CUX1: variants seen among roughly 807,000 people sequenced by gnomAD.
The protein encoded by CUX1 is cut like homeobox 1.
In CUX1, 31 loss-of-function variants were observed where a neutral mutation model predicts 158.8. The observed-to-expected ratio is 0.20, with a 90% confidence interval of 0.15 to 0.26. CUX1 has a LOEUF of 0.26. Among genes scored for constraint, CUX1 ranks in the 10% least tolerant of loss-of-function variants. The pLI is 1.00. For missense variants in CUX1, 1,589 were observed against 2,014.6 expected, an observed-to-expected ratio of 0.79 and a Z score of 4.04; for synonymous variants, 879 against 862.1, an observed-to-expected ratio of 1.02 and a Z score of -0.34.
At chr7:102,205,305 A>G (rs942408997) in intron 20 of CUX1, 135 bp downstream of exon 20, 19 of 674,896 alleles carry the variant, frequency 2.8e-5, no homozygotes, top group South Asian at 2.0e-4. Flanking sequence ...ATGGCATCCT[A>G]TCTGCAAACG....
intron 2 of CUX1, among the ~76,000 whole-genome samples, chr7:101,984,849 G>T (rs140445846): frequency 1.3e-5 from 2 of 152,124 alleles, no homozygotes; most frequent in Non-Finnish European, 1.5e-5. Context: ...TATTAAGATC[G>T]CATTAATCTT....
At chr7:101,938,818 A>G (rs1019023551) in intron 2 of CUX1, among the ~76,000 whole-genome samples, 5 of 152,048 alleles carry the variant, frequency 3.3e-5, no homozygotes, top group Non-Finnish European at 7.4e-5. Context: ...AGGCGGGCAG[A>G]TCACTTGAGG....
intron 11 of CUX1, among the ~76,000 whole-genome samples, chr7:102,185,743 C>G (rs1793556562): frequency 6.6e-6 from 1 of 152,028 alleles, no homozygotes; most frequent in Non-Finnish European, 1.5e-5. Flanking sequence ...CGTGGTGGAG[C>G]CAGGATCTGT....
intron 10 of CUX1, 109 bp from the exon 11 acceptor site, chr7:102,178,360 A>G: frequency 9.2e-7 from 1 of 1,081,686 alleles, no homozygotes; most frequent in Non-Finnish European, 1.3e-6. Flanking sequence ...TGCCATCACC[A>G]TCCACACACT....
At chr7:102,041,735 T>C (rs1320205899) in intron 3 of CUX1, among the ~76,000 whole-genome samples, 3 of 144,178 alleles carry the variant, frequency 2.1e-5, no homozygotes, top group Non-Finnish European at 4.6e-5. Flanking sequence ...GTGGATGATC[T>C]CGGCTCACTG....
intron 11 of CUX1, chr7:102,186,861 C>T (rs1793679515): frequency 6.6e-6 from 1 of 152,094 alleles, no homozygotes; most frequent in South Asian, 2.1e-4. Context: ...TGTGAAACTT[C>T]ATCTCTACTA....
chr7:102,192,746 C>T (rs1563381215), intron 12 of CUX1, among the ~76,000 whole-genome samples: 2 of 152,182 alleles, frequency 1.3e-5, no homozygotes, highest in Admixed American at 6.5e-5. Context: ...ACCTGCGAGT[C>T]GTAAATCTCA....
intron 1 of CUX1, among the ~76,000 whole-genome samples, chr7:101,904,117 A>AACACACACACACACAC (rs10622369): frequency 1.4e-3 from 200 of 143,860 alleles, no homozygotes; most frequent in African/African-American, 4.9e-3. Flanking sequence ...GTCTTTACAA[A>AACACACACACACACAC]ACACACACAC....
At chr7:102,266,058 G>T (rs1554544979) in intron 14 of CUX1, among the ~76,000 whole-genome samples, 2 of 151,998 alleles carry the variant, frequency 1.3e-5, no homozygotes, top group African/African-American at 4.8e-5. Flanking sequence ...ACAAAAATTA[G>T]CCAGGCGTGG....
Position 102,253,201 on chromosome 7 carries a change from C to T in CUX1, c.*4159C>T. The T allele has an allele frequency of 1.0e-6, 1 of 985,500 alleles. No homozygotes were observed. The highest frequency in any genetic ancestry group is 6.1e-5 in the Admixed American group (1 of 16,284). 61.0% of individuals were successfully genotyped at this position (985,500 alleles called of 1,614,324 possible). On this transcript the variant is annotated 3_prime_UTR_variant, in exon 24 of 24. Transcript: ENST00000292535. ...CAGGTCTGCTGGTTGGCGGTCCGGG[C>T]CCAGAGTGCAGCAGAGCTCTGGGTT...
At chr7:102,066,965 A>T (rs1304157625) in intron 3 of CUX1, among the ~76,000 whole-genome samples, 1 of 152,236 alleles carries the variant, frequency 6.6e-6, no homozygotes, top group Non-Finnish European at 1.5e-5. Context: ...CACGCGTTTT[A>T]AGCAGCTTGA....
intron 14 of CUX1, among the ~76,000 whole-genome samples, chr7:102,196,192 G>A (rs1306022708): frequency 6.6e-6 from 1 of 152,232 alleles, no homozygotes; most frequent in Non-Finnish European, 1.5e-5. Flanking sequence ...CCTCCACATC[G>A]AGGGGGCTCG....
rs558538031 is a variant in CUX1, at chr7:102,277,291, T to C, written c.1564-658T>C. ...TAGCCTGGGTGATAGAGCAAGACCCTGTCTCTAAAATATATAGACAGGGGC... is the reference window on the plus strand; with the variant it reads ...TAGCCTGGGTGATAGAGCAAGACCCCGTCTCTAAAATATATAGACAGGGGC... On this transcript the variant is annotated intron_variant, in intron 17 of 22. Coordinates refer to the CUX1 transcript ENST00000292538. Among the ~76,000 whole-genome samples the C allele has an allele frequency of 1.1e-4, 16 of 152,082 alleles. No homozygotes were observed. The South Asian group carries it at 3.3e-3, about 32-fold the overall frequency.
At chr7:102,111,852 G>A (rs797042932) in intron 7 of CUX1, 78 bp downstream of exon 7, 10 of 1,298,670 alleles carry the variant, frequency 7.7e-6, no homozygotes, top group African/African-American at 4.4e-5. Flanking sequence ...TGACCGCCCC[G>A]GTCCCCGCGG....
chr7:101,929,245 C>CT (rs1238581729), intron 2 of CUX1, among the ~76,000 whole-genome samples: 1 of 152,126 alleles, frequency 6.6e-6, no homozygotes, highest in Non-Finnish European at 1.5e-5. Context: ...AGGGTAGACC[C>CT]TAGTTTCTAC....
At position 102,254,595 on chromosome 7, in the gene CUX1, A is replaced by G; in HGVS notation, c.*5553A>G. 2.0e-6 allele frequency: 2 copies of G among 985,418 alleles called. No individual in the cohort carries two copies. The highest frequency in any genetic ancestry group is 1.2e-6 in the Non-Finnish European group (1 of 829,914). The allele number at this position is 985,418 out of a possible 1,614,324, so 61.0% of individuals were successfully genotyped here. On this transcript the variant is annotated 3_prime_UTR_variant, in exon 24 of 24. Transcript: ENST00000292535. ...GTTCCCCTGCTGGAGACAGTTTGCA[A>G]GTAAGAACCTAAGGATGGGGACAGC...
intron 1 of CUX1, among the ~76,000 whole-genome samples, chr7:101,873,850 G>T (rs1052519173): frequency 3.9e-5 from 6 of 152,210 alleles, no homozygotes; most frequent in Middle Eastern, 3.2e-3. Context: ...CTCCCAAAGT[G>T]CTGGGAATAC....
chr7:101,948,496 G>C (rs1391774056), intron 2 of CUX1, among the ~76,000 whole-genome samples: 2 of 152,200 alleles, frequency 1.3e-5, no homozygotes, highest in Non-Finnish European at 2.9e-5. Flanking sequence ...AACGTTGCCT[G>C]CTTTGTAGAT....
intron 8 of CUX1, among the ~76,000 whole-genome samples, chr7:102,138,138 C>T (rs1371162225): frequency 6.6e-6 from 1 of 151,978 alleles, no homozygotes; most frequent in Non-Finnish European, 1.5e-5. Context: ...GAGCCAAAAT[C>T]GTGCCACTGC....
Sources: gnomAD v4.1 joint callset for allele counts (sites outside exome capture counted in the v4.1 genomes callset) on GRCh38, gnomAD v4.1.1 for gene constraint, MANE v1.5 for transcripts, NCBI Gene and HGNC (gene_info 2026-07-23, HGNC 2026-07-21) for gene names.